The following SPECC1 variants were observed in gnomAD, a reference collection of about 807,000 sequenced individuals.
SPECC1 encodes sperm antigen with calponin homology and coiled-coil domains 1.
Under a neutral mutation model 104.1 loss-of-function variants are expected in SPECC1, and 62 were observed. The observed-to-expected ratio is 0.60, with a 90% CI of 0.49 to 0.74. The LOEUF (loss-of-function observed/expected upper bound fraction) is 0.74. Among genes scored for constraint, SPECC1 ranks in the 30% least tolerant of loss-of-function variants. The probability of loss-of-function intolerance (pLI) is 0.00; values close to 1 mark genes in which losing one functional copy is unlikely to be tolerated. For missense variants in SPECC1, 1,306 were observed against 1,310.5 expected, an observed-to-expected ratio of 1.00 and a Z score of 0.05; for synonymous variants, 513 against 501.6, an observed-to-expected ratio of 1.02 and a Z score of -0.30.
At chr17:20,281,967 G>A (rs1418187235) in intron 12 of SPECC1, among the ~76,000 whole-genome samples, 2 of 152,184 alleles carry the variant, frequency 1.3e-5, no homozygotes, top group African/African-American at 2.4e-5. Context: ...GCTGAGCCGC[G>A]GGGCTTCGCC....
At chr17:20,291,584 ATGCAGGCGGGAG>A (rs1333974831) in intron 12 of SPECC1, among the ~76,000 whole-genome samples, 1 of 151,992 alleles carries the variant, frequency 6.6e-6, no homozygotes, top group Non-Finnish European at 1.5e-5. Context: ...TTGCTCTGTC[ATGCAGGCGGGAG>A]TGCAGTGGCA....
At chr17:20,156,296 C>G (rs898340104) in intron 3 of SPECC1, 130 of 1,308,212 alleles carry the variant, frequency 9.9e-5, no homozygotes, top group Non-Finnish European at 1.2e-4. Context: ...TCCAGGCGCC[C>G]TTCCCCCACC....
intron 3 of SPECC1, among the ~76,000 whole-genome samples, chr17:20,115,005 C>T (rs1176159044): frequency 6.6e-6 from 1 of 152,166 alleles, no homozygotes; most frequent in Non-Finnish European, 1.5e-5. Flanking sequence ...GTGTTATTCA[C>T]TCACTTAAAG....
chr17:20,311,386 T>TG (rs1555537697), intron 14 of SPECC1, among the ~76,000 whole-genome samples: 10 of 151,322 alleles, frequency 6.6e-5, no homozygotes, highest in African/African-American at 1.9e-4. Context: ...TTTTTTTTGT[T>TG]TTTGTTTTTG....
At chr17:20,010,108 C>T (rs2043887418) in intron 1 of SPECC1, 1 of 151,360 alleles carries the variant, frequency 6.6e-6, no homozygotes, top group Non-Finnish European at 1.5e-5. Context: ...CCTCCTTCCC[C>T]AGTGCCCATG....
chr17:20,079,156 C>G (rs924841630), intron 1 of SPECC1, among the ~76,000 whole-genome samples: 3 of 152,134 alleles, frequency 2.0e-5, no homozygotes, highest in Admixed American at 2.0e-4. Flanking sequence ...TATTGATGGG[C>G]GCCGACCTCT....
chr17:20,188,898 G>C (rs562720775), intron 3 of SPECC1, among the ~76,000 whole-genome samples: 4 of 152,080 alleles, frequency 2.6e-5, no homozygotes, highest in East Asian at 1.9e-4. Flanking sequence ...AGGATTTTGC[G>C]TGCCCAGTCC....
chr17:20,065,606 AACTGTG>A (rs2046331667), intron 1 of SPECC1, among the ~76,000 whole-genome samples: 1 of 152,198 alleles, frequency 6.6e-6, no homozygotes, highest in Non-Finnish European at 1.5e-5. Flanking sequence ...ACGCTCTCTG[AACTGTG>A]ACCTTTTGGG....
At chr17:20,040,202 C>CGT (rs372860525) in intron 1 of SPECC1, among the ~76,000 whole-genome samples, 102 of 151,570 alleles carry the variant, frequency 6.7e-4, no homozygotes, top group African/African-American at 2.3e-3. Context: ...TATATACTTA[C>CGT]GTGTGTGTGT....
At chr17:20,122,195 C>T (rs934634680) in intron 3 of SPECC1, among the ~76,000 whole-genome samples, 15 of 152,078 alleles carry the variant, frequency 9.9e-5, no homozygotes, top group African/African-American at 3.4e-4. Context: ...GGGGAGCTTG[C>T]GAGTCACTGT....
chr17:20,314,432 A>G lies in SPECC1; in HGVS notation c.*367A>G, dbSNP rs2042007565. ...TTCAGACAAAGAACATCTCCAAATC[A>G]GTCTTTTGGTTGCTGTTGTTAAAAA... On this transcript the variant is annotated 3_prime_UTR_variant, in exon 15 of 15. Coordinates refer to ENST00000395527, the MANE Select transcript of SPECC1 (RefSeq NM_001243439.2). 1 of 294,896 alleles carries G rather than the reference A, an allele frequency of 3.4e-6. No individual in the cohort carries two copies. Among genetic ancestry groups the G allele is most frequent in the African/African-American group, 2.0e-5 (1 of 48,976 alleles). The allele number at this position is 294,896 out of a possible 1,614,324, so 18.3% of individuals were successfully genotyped here. A position where few individuals can be genotyped will look rare whatever the true frequency, so the allele number is the denominator to read the frequency against.
chr17:20,289,474 T>C (rs1243410459), intron 12 of SPECC1, among the ~76,000 whole-genome samples: 2 of 152,130 alleles, frequency 1.3e-5, no homozygotes, highest in Non-Finnish European at 2.9e-5. Context: ...GCTAATTTTT[T>C]GTATTTTTAG....
Position 20,298,948 on chromosome 17 carries a change from A to AGAGAGAGTGTGTGTGTGTGTGTGT in SPECC1, c.3057+1872_3057+1873insAGAGAGTGTGTGTGTGTGTGTGTG. Among the ~76,000 whole-genome samples, 93 of 49,036 alleles carry AGAGAGAGTGTGTGTGTGTGTGTGT rather than the reference A, an allele frequency of 1.9e-3. 2 individuals are homozygous for AGAGAGAGTGTGTGTGTGTGTGTGT. In the East Asian group the frequency reaches 0.067, roughly 35 times the overall value. The allele number at this position is 49,036 out of a possible 152,430, so 32.2% of individuals were successfully genotyped here. ...GAGAGAGAGAGAGAGAGAGAGAGAG[A>AGAGAGAGTGTGTGTGTGTGTGTGT]GTGTGTGTGTGTGTGTGTGTGTGTA... On this transcript the variant is annotated intron_variant, in intron 13 of 14. Transcript: ENST00000395527.
chr17:20,225,371 C>G (rs1452009266), intron 4 of SPECC1, among the ~76,000 whole-genome samples: 10 of 152,168 alleles, frequency 6.6e-5, no homozygotes, highest in African/African-American at 2.4e-4. Flanking sequence ...TAGCCTCTTT[C>G]AGATTTACTT....
chr17:20,210,075 A>G (rs933186557), intron 4 of SPECC1, among the ~76,000 whole-genome samples: 2 of 152,206 alleles, frequency 1.3e-5, no homozygotes, highest in African/African-American at 4.8e-5. Context: ...TGTGGGTCCT[A>G]GAGCCAAACT....
At chr17:20,066,736 T>C (rs1056249132) in intron 1 of SPECC1, among the ~76,000 whole-genome samples, 1 of 141,514 alleles carries the variant, frequency 7.1e-6, no homozygotes, top group Non-Finnish European at 1.5e-5. Context: ...ACATAATTGT[T>C]GTTATGCTTA....
At position 20,232,222 on chromosome 17, in the gene SPECC1, G is replaced by A. The variant is rs747287715; in HGVS notation, c.2168G>A (p.Arg723Gln). Reference protein sequence around the residue: ...QMKEETEEWRRFQADLQTAVV... With the variant: ...QMKEETEEWRQFQADLQTAVV... Reference sequence around the variant, plus strand: ...CAGGAGGAGACCGAGGAATGGAGGCGGTTCCAGGCGGATCTGCAGACCGCA... The same window carrying A: ...CAGGAGGAGACCGAGGAATGGAGGCAGTTCCAGGCGGATCTGCAGACCGCA... Residue 723 changes from arginine to glutamine, a missense_variant, in exon 7 of 15, where the codon CGG becomes CAG. Transcript: ENST00000395527. 21 of 1,613,972 alleles carry A rather than the reference G, an allele frequency of 1.3e-5. No individual in the cohort carries two copies. Among genetic ancestry groups the A allele is most frequent in the African/African-American group, 5.3e-5 (4 of 74,934 alleles).
chr17:20,119,143 A>G (rs1360878060), intron 3 of SPECC1, among the ~76,000 whole-genome samples: 1 of 152,258 alleles, frequency 6.6e-6, no homozygotes, highest in Non-Finnish European at 1.5e-5. Flanking sequence ...TAGTTATACA[A>G]ATTGTTTGTC....
chr17:20,205,651 C>G lies in SPECC1; in HGVS notation c.1602C>G (p.Ala534=), dbSNP rs750591872. The part of the protein sequence containing the change: ...ELERHNNNMM[A]KTLEECRVTL... ...AACGGCATAATAATAACATGATGGCCAAAACTTTGGAAGAGTGTAGAGTTA... is the reference window on the plus strand; with the variant it reads ...AACGGCATAATAATAACATGATGGCGAAAACTTTGGAAGAGTGTAGAGTTA... The change falls in exon 4 of 15, where the codon GCC becomes GCG. Residue 534 remains alanine, a synonymous_variant. Transcript: ENST00000395527. 5.0e-6 allele frequency: 8 copies of G among 1,613,894 alleles called. No individual in the cohort carries two copies. In the African/African-American group the frequency reaches 9.4e-5, roughly 19 times the overall value.
Sources: gnomAD v4.1 joint callset for allele counts (sites outside exome capture counted in the v4.1 genomes callset) on GRCh38, gnomAD v4.1.1 for gene constraint, MANE v1.5 for transcripts, NCBI Gene and HGNC (gene_info 2026-07-23, HGNC 2026-07-21) for gene names.